MDH1B: variants seen among roughly 807,000 people sequenced by gnomAD.
MDH1B encodes malate dehydrogenase 1B, also known as putative malate dehydrogenase 1B.
MDH1B carries 60 observed loss-of-function variants against 61.4 expected under a neutral mutation model. The ratio of observed to expected loss-of-function variants is 0.98; its 90% CI spans 0.79 to 1.21. MDH1B has a LOEUF of 1.21. Ranked by LOEUF, MDH1B falls within the 50% of genes most tolerant of loss-of-function variation. The pLI, the probability that MDH1B is intolerant of heterozygous loss-of-function variation, is 0.00. For missense variants in MDH1B, 587 were observed against 632.1 expected (o/e 0.93, Z 0.76); for synonymous variants, 236 against 218.7 (o/e 1.08, Z -0.70).
intron 1 of MDH1B, among the ~76,000 whole-genome samples, chr2:206,762,444 C>T (rs1437008334): frequency 6.6e-6 from 1 of 152,122 alleles, no homozygotes; most frequent in African/African-American, 2.4e-5. Flanking sequence ...GCTCTGAATC[C>T]CATCCTCATC....
At chr2:206,759,335 T>C (rs1416522969) in intron 2 of MDH1B, among the ~76,000 whole-genome samples, 1 of 152,218 alleles carries the variant, frequency 6.6e-6, no homozygotes, top group Non-Finnish European at 1.5e-5. Context: ...CGTGGCTGTG[T>C]AGTATTTCAT....
chr2:206,763,899 T>TC (rs11369963), intron 1 of MDH1B, among the ~76,000 whole-genome samples: 59,704 of 151,788 alleles, frequency 0.39, 14,605 homozygotes, highest in East Asian at 0.76. Flanking sequence ...TTAAGTAAGG[T>TC]CCCTGCTATC....
At chr2:206,750,383 CCTCTCTGTAA>C (rs1688365277) in intron 6 of MDH1B, among the ~76,000 whole-genome samples, 1 of 142,552 alleles carries the variant, frequency 7.0e-6, no homozygotes, top group Non-Finnish European at 1.5e-5. Context: ...GGCTGCTTAG[CCTCTCTGTAA>C]CTCAGTTTTT....
At chr2:206,749,255 AG>A in intron 6 of MDH1B, 72 bp from the exon 7 acceptor site, 1 of 1,319,362 alleles carries the variant, frequency 7.6e-7, no homozygotes, top group Non-Finnish European at 1.1e-6. Context: ...TCCCTGGCTC[AG>A]TGGAACTAAG....
chr2:206,749,942 C>G (rs1688336882), intron 6 of MDH1B, among the ~76,000 whole-genome samples: 1 of 152,158 alleles, frequency 6.6e-6, no homozygotes, highest in Non-Finnish European at 1.5e-5. Context: ...TTTTTATGAT[C>G]TGAAGTCTAA....
chr2:206,756,766 T>G (rs981469013), intron 4 of MDH1B, 132 bp downstream of exon 4: 2 of 845,570 alleles, frequency 2.4e-6, no homozygotes, highest in Admixed American at 4.9e-5. Context: ...TGTGTATACA[T>G]ATAAGTATAC....
chr2:206,748,251 C>G (rs544056592), intron 7 of MDH1B, among the ~76,000 whole-genome samples: 2 of 152,094 alleles, frequency 1.3e-5, no homozygotes, highest in East Asian at 3.9e-4. Flanking sequence ...TAGTGGCATG[C>G]GCCTGTGGTC....
intron 4 of MDH1B, 135 bp from the exon 5 acceptor site, chr2:206,755,640 T>C: frequency 9.0e-7 from 1 of 1,112,642 alleles, no homozygotes; most frequent in Non-Finnish European, 1.2e-6. Context: ...ATAGCTGCCC[T>C]GACATTCTAA....
At chr2:206,760,538 A>G (rs1017878997) in intron 2 of MDH1B, among the ~76,000 whole-genome samples, 3 of 152,070 alleles carry the variant, frequency 2.0e-5, no homozygotes, top group Non-Finnish European at 4.4e-5. Flanking sequence ...TCTACATCTC[A>G]AAGTCTGTTT....
chr2:206,752,825 T>C (rs1688529920), intron 5 of MDH1B, among the ~76,000 whole-genome samples: 1 of 151,492 alleles, frequency 6.6e-6, no homozygotes, highest in Non-Finnish European at 1.5e-5. Context: ...AGCATCCTGA[T>C]TCTTCTTTAA....
chr2:206,752,307 T>C (rs1688497261), intron 5 of MDH1B, among the ~76,000 whole-genome samples: 2 of 152,210 alleles, frequency 1.3e-5, no homozygotes, highest in South Asian at 2.1e-4. Flanking sequence ...CCACTCCTAG[T>C]TGCAATGAAG....
intron 5 of MDH1B, among the ~76,000 whole-genome samples, chr2:206,752,106 T>C (rs1003174100): frequency 1.3e-5 from 2 of 152,170 alleles, no homozygotes; most frequent in Non-Finnish European, 2.9e-5. Context: ...CTCATGATCA[T>C]AAAATGGCTG....
chr2:206,761,148 T>A, intron 1 of MDH1B, 135 bp from the exon 2 acceptor site: 1 of 494,008 alleles, frequency 2.0e-6, no homozygotes, highest in Non-Finnish European at 3.6e-6. Context: ...CAGTATAAAC[T>A]GCTATTACAT....
intron 7 of MDH1B, among the ~76,000 whole-genome samples, chr2:206,747,540 C>T (rs555967775): frequency 6.7e-6 from 1 of 148,220 alleles, no homozygotes; most frequent in African/African-American, 2.6e-5. Context: ...TTCAATTGAA[C>T]AAGATTGATT....
Position 206,755,285 on chromosome 2 carries a change from CA to C in MDH1B, c.633del (p.Ile211MetfsTer32). On this transcript the variant is annotated frameshift_variant, in exon 5 of 12. Transcript: ENST00000374412. LOFTEE classifies it high-confidence loss of function. ...TTGTTGGTGCTGTCATCCAGCACCA[CA>C]ATGACGTGGGCCTGGCGGAAGGCCT... is the stretch of plus-strand genomic sequence containing the variant. ...VEEAFRQAHV[I>X]VVLDDSTNKE... The C allele has an allele frequency of 6.2e-7, 1 of 1,614,232 alleles. No individual in the cohort carries two copies. Among genetic ancestry groups the C allele is most frequent in the Non-Finnish European group, 8.5e-7 (1 of 1,180,044 alleles).
At chr2:206,757,893 T>C (rs975228623) in intron 2 of MDH1B, among the ~76,000 whole-genome samples, 3 of 152,206 alleles carry the variant, frequency 2.0e-5, no homozygotes, top group Non-Finnish European at 2.9e-5. Flanking sequence ...CTGATTTATA[T>C]AGGCTAGGCC....
Position 206,757,341 on chromosome 2 carries a change from T to G in MDH1B, c.166A>C (p.Lys56Gln), listed in dbSNP as rs1688825311. The change falls in exon 3 of 12, where the codon AAG becomes CAG. Residue 56 changes from lysine to glutamine, a missense_variant. Coordinates refer to ENST00000374412, the MANE Select transcript of MDH1B (RefSeq NM_001039845.3). Reference sequence around the variant, plus strand: ...ATAGGGGAATTCTTGTGACTCCACTTATTCTTTTCACACACATCTTTTAGC... The same window carrying G: ...ATAGGGGAATTCTTGTGACTCCACTGATTCTTTTCACACACATCTTTTAGC... The part of the protein sequence containing the change: ...DWLKDVCEKN[K>Q]WSHKNSPIIW... 2 of 1,613,806 alleles carry G rather than the reference T, an allele frequency of 1.2e-6. No individual in the cohort carries two copies. Among genetic ancestry groups the G allele is most frequent in the African/African-American group, 1.3e-5 (1 of 74,944 alleles).
intron 5 of MDH1B, among the ~76,000 whole-genome samples, chr2:206,752,916 G>T (rs1688535435): frequency 6.6e-6 from 1 of 151,536 alleles, no homozygotes; most frequent in Non-Finnish European, 1.5e-5. Flanking sequence ...ATAGGCATTA[G>T]ATGCAGATTC....
chr2:206,762,115 C>T (rs1437229871), intron 1 of MDH1B, among the ~76,000 whole-genome samples: 1 of 152,118 alleles, frequency 6.6e-6, no homozygotes, highest in Admixed American at 6.5e-5. Flanking sequence ...GGCCCTCAAC[C>T]CTGCGTGGAG....
Sources: allele counts gnomAD v4.1 joint callset (sites outside exome capture counted in the v4.1 genomes callset), GRCh38; gene constraint gnomAD v4.1.1; transcripts MANE v1.5; gene names NCBI Gene and HGNC (gene_info 2026-07-23, HGNC 2026-07-21).